Variants in PARD3B observed in about 807,000 individuals in gnomAD.
PARD3B encodes partitioning defective 3 homolog B.
PARD3B carries 103 observed loss-of-function variants against 130.2 expected under a neutral mutation model. The observed-to-expected ratio is 0.79, with a 90% CI of 0.67 to 0.93. PARD3B has a LOEUF of 0.93. PARD3B is among the 40% of genes least tolerant of loss of function. The pLI, the probability that PARD3B is intolerant of heterozygous loss-of-function variation, is 0.00. For missense variants in PARD3B, 1,609 were observed against 1,499.2 expected (o/e 1.07, Z -1.21); for synonymous variants, 583 against 553.2 (o/e 1.05, Z -0.76).
At chr2:205,174,943 C>T (rs190202874) in intron 12 of PARD3B, among the ~76,000 whole-genome samples, 26 of 152,250 alleles carry the variant, frequency 1.7e-4, no homozygotes, top group African/African-American at 6.0e-4. Flanking sequence ...CTATTTGAGC[C>T]TAGAGACTTG....
intron 20 of PARD3B, among the ~76,000 whole-genome samples, chr2:205,488,934 C>G (rs1434602464): frequency 2.6e-5 from 4 of 152,124 alleles, no homozygotes. Context: ...ACAGCTATAT[C>G]TATATGAATT....
chr2:205,324,355 T>C (rs2042864560), intron 18 of PARD3B, among the ~76,000 whole-genome samples: 1 of 152,158 alleles, frequency 6.6e-6, no homozygotes, highest in Non-Finnish European at 1.5e-5. Flanking sequence ...TTCAGTGTGA[T>C]TGACAATTTA....
chr2:204,672,514 G>A (rs2036353107), intron 1 of PARD3B, among the ~76,000 whole-genome samples: 1 of 152,104 alleles, frequency 6.6e-6, no homozygotes, highest in Non-Finnish European at 1.5e-5. Flanking sequence ...AAAATCATGT[G>A]CATGAATATA....
intron 2 of PARD3B, among the ~76,000 whole-genome samples, chr2:204,703,914 C>T (rs901997350): frequency 3.3e-5 from 5 of 151,894 alleles, no homozygotes. Context: ...CTTAAAAATT[C>T]AAGGAAGTTA....
chr2:205,411,494 C>A (rs995854635), intron 19 of PARD3B, among the ~76,000 whole-genome samples: 13 of 152,122 alleles, frequency 8.5e-5, no homozygotes, highest in Admixed American at 7.9e-4. Context: ...AGAAACCTGT[C>A]TTTCAGATTG....
chr2:205,440,579 G>A lies in PARD3B; in HGVS notation c.2951G>A (p.Arg984Gln), dbSNP rs144091803. Residue 984 changes from arginine (R) to glutamine (Q), a missense_variant, in exon 20 of 23, where the codon CGG becomes CAG. By Grantham distance (43) the Arg-to-Gln change is conservative. Coordinates refer to ENST00000406610, the MANE Select transcript of PARD3B (RefSeq NM_001302769.2). The surrounding 1 kb of genome is among the most constrained non-coding windows in gnomAD (Gnocchi z 4.2). ...PPRAGPFGYP[R>Q]DGHPLSPERD... ...CGAGCTGGACCATTTGGTTACCCTC[G>A]GGATGGCCATCCACTGTCTCCAGAA... 3.5e-5 allele frequency: 57 copies of A among 1,613,952 alleles called. No homozygotes were observed. In the Middle Eastern group the frequency reaches 8.2e-4, roughly 23 times the overall value.
intron 6 of PARD3B, among the ~76,000 whole-genome samples, chr2:205,115,505 G>C (rs1264932506): frequency 1.3e-5 from 2 of 152,130 alleles, no homozygotes; most frequent in Non-Finnish European, 2.9e-5. Context: ...GCCTGATTCA[G>C]AAATGTAGTT....
intron 2 of PARD3B, among the ~76,000 whole-genome samples, chr2:204,762,116 A>ATTTTTTTT (rs968166780): frequency 5.1e-4 from 49 of 95,380 alleles, no homozygotes; most frequent in African/African-American, 9.0e-4. Flanking sequence ...TTCTTTTTCT[A>ATTTTTTTT]TTTTTTTTTT....
At position 205,591,428 on chromosome 2, in the gene PARD3B, A is replaced by G. The variant is rs1441618539; in HGVS notation, c.3261-24028A>G. On this transcript the variant is annotated intron_variant, in intron 22 of 22. Coordinates refer to ENST00000406610, the MANE Select transcript of PARD3B (RefSeq NM_001302769.2). The surrounding 1 kb of genome is among the most constrained non-coding windows in gnomAD (Gnocchi z 4.2). ...TAAATAAAAAGTTGGGGCAGGAATA[A>G]TAATAACTGCCTACCATTATCAGTC... Among the ~76,000 whole-genome samples, 1 of 152,206 alleles carries G rather than the reference A, an allele frequency of 6.6e-6. No individual in the cohort carries two copies. Among genetic ancestry groups the G allele is most frequent in the Non-Finnish European group, 1.5e-5 (1 of 68,048 alleles).
At chr2:204,843,201 C>A (rs2044321406) in intron 2 of PARD3B, among the ~76,000 whole-genome samples, 1 of 152,052 alleles carries the variant, frequency 6.6e-6, no homozygotes, top group Admixed American at 6.5e-5. Context: ...GACAAGCCTT[C>A]CCCAAAGGTT....
chr2:205,308,410 T>C (rs2042256429), intron 18 of PARD3B, among the ~76,000 whole-genome samples: 1 of 151,840 alleles, frequency 6.6e-6, no homozygotes, highest in Non-Finnish European at 1.5e-5. Flanking sequence ...ATTGAGACCA[T>C]CCTGGCTAAC....
chr2:204,752,488 C>T (rs1398348830), intron 2 of PARD3B, among the ~76,000 whole-genome samples: 1 of 152,084 alleles, frequency 6.6e-6, no homozygotes, highest in African/African-American at 2.4e-5. Context: ...TTTATAAACT[C>T]GAATGTTGCC....
At chr2:205,170,527 C>T (rs949452783) in intron 11 of PARD3B, among the ~76,000 whole-genome samples, 1 of 152,156 alleles carries the variant, frequency 6.6e-6, no homozygotes, top group African/African-American at 2.4e-5. Flanking sequence ...CTCCTATGGG[C>T]GGCCCCTGCA....
chr2:204,810,416 C>A (rs760833323), intron 2 of PARD3B, among the ~76,000 whole-genome samples: 4 of 152,002 alleles, frequency 2.6e-5, no homozygotes, highest in African/African-American at 4.8e-5. Context: ...TGAGGTATGT[C>A]CCTACAATAC....
intron 19 of PARD3B, among the ~76,000 whole-genome samples, chr2:205,431,771 A>T (rs1462101048): frequency 6.6e-6 from 1 of 152,154 alleles, no homozygotes; most frequent in South Asian, 2.1e-4. Flanking sequence ...GACTGGCCAC[A>T]TCAATTTTTA....
chr2:204,936,219 G>C (rs1688442158), intron 2 of PARD3B, among the ~76,000 whole-genome samples: 1 of 152,258 alleles, frequency 6.6e-6, no homozygotes. Flanking sequence ...TGCACGGCAT[G>C]GGCCACGTGC....
chr2:204,700,288 AT>A (rs1422788288), intron 2 of PARD3B, among the ~76,000 whole-genome samples: 9 of 152,076 alleles, frequency 5.9e-5, no homozygotes, highest in Non-Finnish European at 1.0e-4. Context: ...TGATAGCCTC[AT>A]GTTACTGAAA....
intron 20 of PARD3B, among the ~76,000 whole-genome samples, chr2:205,480,209 ACTTT>A (rs1381908004): frequency 6.6e-6 from 1 of 152,060 alleles, no homozygotes; most frequent in Non-Finnish European, 1.5e-5. Flanking sequence ...CCGGCTGTGT[ACTTT>A]CTTTCTCCTG....
intron 18 of PARD3B, among the ~76,000 whole-genome samples, chr2:205,353,421 C>T (rs552044948): frequency 6.6e-6 from 1 of 152,266 alleles, no homozygotes; most frequent in Admixed American, 6.5e-5. Flanking sequence ...AGCTTAGAGA[C>T]TAGGCCTTAC....
Sources: gnomAD v4.1 joint callset for allele counts (sites outside exome capture counted in the v4.1 genomes callset) on GRCh38, gnomAD v4.1.1 for gene constraint, Gnocchi (gnomAD v3.1) non-coding constraint, MANE v1.5 for transcripts, NCBI Gene and HGNC (gene_info 2026-07-23, HGNC 2026-07-21) for gene names.